Variants in LMBRD1 observed in about 807,000 individuals in gnomAD.
LMBRD1 encodes lysosomal cobalamin transport escort protein LMBD1.
A neutral mutation model predicts 74.8 loss-of-function variants in LMBRD1; 64 were observed. The ratio of observed to expected loss-of-function variants is 0.86; its 90% CI spans 0.70 to 1.05. The LOEUF is 1.05. Ranked by LOEUF, LMBRD1 falls within the 50% of genes least tolerant of loss-of-function variation. The pLI is 0.00. For missense variants in LMBRD1, 652 were observed against 645.9 expected (o/e 1.01, Z -0.10); for synonymous variants, 204 against 216.3 (o/e 0.94, Z 0.50).
rs1230596532 is a variant in LMBRD1, at chr6:69,705,776, C to A, written c.916-3823G>T. 1.7e-5 allele frequency: 20 copies of A among 1,184,698 alleles called. No homozygotes were observed. The African/African-American group carries it at 2.4e-4, about 14-fold the overall frequency. The allele number at this position is 1,184,698 out of a possible 1,614,324, so 73.4% of individuals were successfully genotyped here. A position where few individuals can be genotyped will look rare whatever the true frequency, so the allele number is the denominator to read the frequency against. ...TACTTAAGAGTTTCACATCCTCCTC[C>A]TCTTCATCTACTGACTGCATCTTCC... On this transcript the variant is annotated intron_variant, in intron 9 of 15. Transcript: ENST00000649934.
At chr6:69,725,254 A>G (rs1766703965) in intron 7 of LMBRD1, among the ~76,000 whole-genome samples, 1 of 152,002 alleles carries the variant, frequency 6.6e-6, no homozygotes, top group South Asian at 2.1e-4. Context: ...ATGGATTGGA[A>G]GAGTCAATAT....
intron 3 of LMBRD1, among the ~76,000 whole-genome samples, chr6:69,776,598 C>T (rs1376199441): frequency 6.6e-6 from 1 of 152,124 alleles, no homozygotes; most frequent in Non-Finnish European, 1.5e-5. Flanking sequence ...CACATGGAAC[C>T]CGAACATAAA....
chr6:69,793,086 A>G (rs1312639171), intron 1 of LMBRD1, among the ~76,000 whole-genome samples: 1 of 152,246 alleles, frequency 6.6e-6, no homozygotes, highest in Non-Finnish European at 1.5e-5. Context: ...AGGGTTTACC[A>G]TAGTGGCTGG....
At chr6:69,727,643 A>C (rs1766764570) in intron 7 of LMBRD1, among the ~76,000 whole-genome samples, 1 of 152,214 alleles carries the variant, frequency 6.6e-6, no homozygotes, top group South Asian at 2.1e-4. Context: ...ACTTCACCAC[A>C]ATGCAATATA....
At chr6:69,744,214 C>A (rs1562108898) in intron 5 of LMBRD1, among the ~76,000 whole-genome samples, 1 of 152,050 alleles carries the variant, frequency 6.6e-6, no homozygotes, top group Admixed American at 6.6e-5. Flanking sequence ...TTTAAAATCT[C>A]AGCCCTTCTA....
chr6:69,711,080 A>G (rs537018042), intron 9 of LMBRD1, among the ~76,000 whole-genome samples: 13 of 152,184 alleles, frequency 8.5e-5, no homozygotes, highest in Non-Finnish European at 1.9e-4. Flanking sequence ...GTGAGTGAAT[A>G]AACAAATTGT....
At chr6:69,752,844 A>G (rs769246828) in intron 3 of LMBRD1, among the ~76,000 whole-genome samples, 3 of 152,214 alleles carry the variant, frequency 2.0e-5, no homozygotes, top group African/African-American at 2.4e-5. Flanking sequence ...GTTTAAAAAA[A>G]TATGCAGTAT....
At chr6:69,738,214 A>G (rs993871408) in intron 6 of LMBRD1, among the ~76,000 whole-genome samples, 199 bp from the exon 7 acceptor site, 10 of 152,176 alleles carry the variant, frequency 6.6e-5, no homozygotes, top group Non-Finnish European at 1.3e-4. Flanking sequence ...ATTTGTAAAA[A>G]ATCTTTCTGA....
intron 1 of LMBRD1, chr6:69,790,707 T>C (rs1279366360): frequency 3.9e-6 from 2 of 507,580 alleles, no homozygotes; most frequent in African/African-American, 3.9e-5. Context: ...ATAACAGTGC[T>C]CAGCTACATA....
At chr6:69,719,837 T>TA (rs987962405) in intron 7 of LMBRD1, among the ~76,000 whole-genome samples, 2 of 152,204 alleles carry the variant, frequency 1.3e-5, no homozygotes, top group African/African-American at 4.8e-5. Context: ...ATTATGTACT[T>TA]AAATGTTTTT....
intron 4 of LMBRD1, among the ~76,000 whole-genome samples, chr6:69,749,780 A>G (rs1431251502): frequency 6.6e-6 from 1 of 150,790 alleles, no homozygotes; most frequent in African/African-American, 2.4e-5. Context: ...TATAACAATA[A>G]TAAACACAAT....
chr6:69,679,952 T>C (rs770727312), intron 14 of LMBRD1, among the ~76,000 whole-genome samples: 1 of 152,136 alleles, frequency 6.6e-6, no homozygotes, highest in East Asian at 1.9e-4. Context: ...GTTGCAAGTC[T>C]TAAGATTTCA....
At chr6:69,718,121 A>ATT (rs147422204) in intron 8 of LMBRD1, among the ~76,000 whole-genome samples, 1 of 151,958 alleles carries the variant, frequency 6.6e-6, no homozygotes, top group Non-Finnish European at 1.5e-5. Flanking sequence ...AGGACTTGCT[A>ATT]TTTTTTTACC....
intron 7 of LMBRD1, among the ~76,000 whole-genome samples, chr6:69,735,291 A>G (rs1032233425): frequency 1.3e-5 from 2 of 152,096 alleles, no homozygotes; most frequent in Non-Finnish European, 2.9e-5. Flanking sequence ...CAGACATACC[A>G]ATTCACCTAA....
Position 69,718,982 on chromosome 6 carries a change from G to A in LMBRD1, c.736C>T (p.Gln246Ter). 6.2e-7 allele frequency: 1 copy of A among 1,613,306 alleles called. No individual in the cohort carries two copies. Among genetic ancestry groups the A allele is most frequent in the Non-Finnish European group, 8.5e-7 (1 of 1,179,508 alleles). ...TTTGATTTAATCGTTTGAATGTGTT[G>A]TTCTACTTCTTCAATGTCTTCAGTG... ...ENTEDIEEVE[Q>*]HIQTIKSKSK... The change falls in exon 8 of 16, where the codon CAA becomes TAA. Residue 246 changes from glutamine (Q) to a stop codon, truncating the protein, a stop_gained. Coordinates refer to ENST00000649934, the MANE Select transcript of LMBRD1 (RefSeq NM_018368.4). LOFTEE classifies it high-confidence loss of function.
At chr6:69,705,450 G>C (rs984640200) in intron 9 of LMBRD1, 1 of 1,324,400 alleles carries the variant, frequency 7.6e-7, no homozygotes, top group Non-Finnish European at 1.1e-6. Context: ...TACAGAACTA[G>C]GTCCTTTTGG....
At chr6:69,729,367 C>T (rs923544381) in intron 7 of LMBRD1, among the ~76,000 whole-genome samples, 1 of 151,606 alleles carries the variant, frequency 6.6e-6, no homozygotes, top group Non-Finnish European at 1.5e-5. Context: ...TATTCATCTG[C>T]ACATTTGTTT....
At chr6:69,705,247 T>C in intron 9 of LMBRD1, 2 of 687,296 alleles carry the variant, frequency 2.9e-6, no homozygotes, top group South Asian at 2.8e-5. Flanking sequence ...AGAAATGAAG[T>C]AAGACAGAAA....
chr6:69,718,454 A>T (rs981336935), intron 8 of LMBRD1, among the ~76,000 whole-genome samples: 63 of 152,176 alleles, frequency 4.1e-4, no homozygotes, highest in African/African-American at 1.5e-3. Context: ...ATGGTTTTGT[A>T]AGGGTACTGT....
Sources: allele counts gnomAD v4.1 joint callset (sites outside exome capture counted in the v4.1 genomes callset), GRCh38; gene constraint gnomAD v4.1.1; transcripts MANE v1.5; gene names NCBI Gene and HGNC (gene_info 2026-07-23, HGNC 2026-07-21).